NTM: variants seen among roughly 807,000 people sequenced by gnomAD.
NTM encodes neurotrimin.
NTM carries 13 observed loss-of-function variants against 42.1 expected under a neutral mutation model. The observed-to-expected ratio is 0.31, with a 90% confidence interval of 0.20 to 0.49. NTM has a LOEUF of 0.49. NTM is among the 20% of genes least tolerant of loss of function. The pLI is 0.99. For missense variants in NTM, 373 were observed against 452.8 expected, an observed-to-expected ratio of 0.82 and a Z score of 1.60; for synonymous variants, 187 against 179.2, an observed-to-expected ratio of 1.04 and a Z score of -0.35.
intron 1 of NTM, among the ~76,000 whole-genome samples, chr11:131,905,468 T>C (rs1245892871): frequency 6.6e-6 from 1 of 152,098 alleles, no homozygotes; most frequent in Non-Finnish European, 1.5e-5. Flanking sequence ...CCGTCTTGGG[T>C]CGTGTAGCGT....
rs368857349 is a variant in NTM, at chr11:131,722,021, A to AAAAAG, written c.83-189542_83-189541insAAAGA. Among the ~76,000 whole-genome samples, 45 of 112,822 alleles carry AAAAAG rather than the reference A, an allele frequency of 4.0e-4. 6 individuals are homozygous for AAAAAG. The highest frequency in any genetic ancestry group is 1.0e-3 in the African/African-American group (30 of 29,448). 74.0% of individuals were successfully genotyped at this position (112,822 alleles called of 152,430 possible). On this transcript the variant is annotated intron_variant, in intron 1 of 8. Transcript: ENST00000683400. ...CAAAAAAAAAAAAAAAAAAAAAAAAAAGAGAGAAAGAAAGAAAATAATGCT... is the reference window on the plus strand; with the variant it reads ...CAAAAAAAAAAAAAAAAAAAAAAAAAAAAAGAGAGAGAAAGAAAGAAAATAATGCT...
chr11:131,472,389 AG>A (rs1287526790), intron 1 of NTM, among the ~76,000 whole-genome samples: 11 of 152,240 alleles, frequency 7.2e-5, no homozygotes, highest in African/African-American at 2.7e-4. Context: ...TGGATAGAAA[AG>A]AAGACTGATC....
intron 1 of NTM, among the ~76,000 whole-genome samples, chr11:131,783,840 C>T (rs2088630642): frequency 6.6e-6 from 1 of 152,062 alleles, no homozygotes; most frequent in Non-Finnish European, 1.5e-5. Context: ...AAGAAAATGA[C>T]AAGATAAGAC....
At chr11:131,992,084 A>C (rs1009854488) in intron 2 of NTM, among the ~76,000 whole-genome samples, 3 of 152,154 alleles carry the variant, frequency 2.0e-5, no homozygotes, top group Non-Finnish European at 4.4e-5. Context: ...CCACTTATAC[A>C]CAGATTTTCT....
chr11:131,716,261 A>C (rs1172735648), intron 1 of NTM, among the ~76,000 whole-genome samples: 1 of 152,160 alleles, frequency 6.6e-6, no homozygotes, highest in Non-Finnish European at 1.5e-5. Context: ...ATTACCTCCC[A>C]AAAGACCCTA....
At chr11:131,642,251 C>G (rs765858266) in intron 1 of NTM, among the ~76,000 whole-genome samples, 9 of 152,130 alleles carry the variant, frequency 5.9e-5, no homozygotes, top group Non-Finnish European at 1.2e-4. Context: ...TTGTGAAGAC[C>G]ACCAGGAACC....
At chr11:131,912,023 A>C (rs1188675238) in intron 2 of NTM, among the ~76,000 whole-genome samples, 1 of 152,158 alleles carries the variant, frequency 6.6e-6, no homozygotes, top group Non-Finnish European at 1.5e-5. Context: ...GTCTTCTCTG[A>C]AGTTAATGAG....
chr11:132,264,465 CTTTAT>C (rs2093055645), intron 4 of NTM, among the ~76,000 whole-genome samples: 1 of 152,102 alleles, frequency 6.6e-6, no homozygotes, highest in Non-Finnish European at 1.5e-5. Context: ...TTGTCTTTTA[CTTTAT>C]TTTATAGTAT....
chr11:131,620,447 T>A (rs1180388103), intron 1 of NTM, among the ~76,000 whole-genome samples: 1 of 152,200 alleles, frequency 6.6e-6, no homozygotes, highest in Non-Finnish European at 1.5e-5. Flanking sequence ...TCTCATTCCA[T>A]GTAGAAAACA....
At chr11:131,833,898 A>G (rs1274666353) in intron 1 of NTM, among the ~76,000 whole-genome samples, 2 of 152,060 alleles carry the variant, frequency 1.3e-5, no homozygotes, top group Non-Finnish European at 2.9e-5. Context: ...AGAAATCTTC[A>G]TTTCGAAGTC....
At chr11:132,006,438 GC>G (rs1169024674) in intron 2 of NTM, among the ~76,000 whole-genome samples, 1 of 152,184 alleles carries the variant, frequency 6.6e-6, no homozygotes, top group Non-Finnish European at 1.5e-5. Flanking sequence ...AATGAGAAGA[GC>G]CAAGAGAATA....
Position 131,786,016 on chromosome 11 carries a change from GAGAC to G in NTM, c.83-125540_83-125537del, listed in dbSNP as rs1370346394. Among the ~76,000 whole-genome samples, 8 of 152,286 alleles carry G rather than the reference GAGAC, an allele frequency of 5.3e-5. No homozygotes were observed. In the East Asian group the frequency reaches 9.7e-4, roughly 18 times the overall value. On this transcript the variant is annotated intron_variant, in intron 1 of 8. Transcript: ENST00000683400. Reference sequence around the variant, plus strand: ...GGTGTCATTCTGCTGGAAAGTTGAGGAGACAGACAGAAGGCTATCTCACTTCAGA... The same window carrying G: ...GGTGTCATTCTGCTGGAAAGTTGAGGAGACAGAAGGCTATCTCACTTCAGA...
intron 1 of NTM, among the ~76,000 whole-genome samples, chr11:131,598,266 A>G (rs1004970632): frequency 1.3e-5 from 2 of 152,230 alleles, no homozygotes; most frequent in Non-Finnish European, 2.9e-5. Flanking sequence ...AGAATTTCAG[A>G]AACTTTTCCA....
intron 2 of NTM, among the ~76,000 whole-genome samples, chr11:131,973,262 G>A (rs1323098032): frequency 1.3e-5 from 2 of 152,216 alleles, no homozygotes; most frequent in Non-Finnish European, 2.9e-5. Flanking sequence ...AGGATACAGA[G>A]GGGGAAGTTG....
At chr11:132,072,519 G>A (rs1335465441) in intron 2 of NTM, among the ~76,000 whole-genome samples, 2 of 152,176 alleles carry the variant, frequency 1.3e-5, no homozygotes, top group Non-Finnish European at 2.9e-5. Flanking sequence ...TGATAGTTGT[G>A]AACCATGGGG....
At chr11:131,559,493 C>A (rs982793112) in intron 1 of NTM, among the ~76,000 whole-genome samples, 1 of 152,144 alleles carries the variant, frequency 6.6e-6, no homozygotes, top group Non-Finnish European at 1.5e-5. Flanking sequence ...CACACAGTCT[C>A]AAATTTGTTA....
At chr11:131,790,309 C>G (rs2090748985) in intron 1 of NTM, among the ~76,000 whole-genome samples, 1 of 152,058 alleles carries the variant, frequency 6.6e-6, no homozygotes, top group Non-Finnish European at 1.5e-5. Context: ...AAACACATGC[C>G]ATTTTGCACG....
At chr11:131,862,690 G>C (rs905036348) in intron 1 of NTM, among the ~76,000 whole-genome samples, 1 of 152,184 alleles carries the variant, frequency 6.6e-6, no homozygotes, top group African/African-American at 2.4e-5. Context: ...TTATAGCAAA[G>C]GCTGTGACTT....
chr11:132,241,524 T>A (rs2090186873), intron 4 of NTM, among the ~76,000 whole-genome samples: 3 of 152,194 alleles, frequency 2.0e-5, no homozygotes, highest in Admixed American at 2.0e-4. Flanking sequence ...TTTTCACTGT[T>A]GAGCAGGGAC....
Sources: allele counts gnomAD v4.1 joint callset (sites outside exome capture counted in the v4.1 genomes callset), GRCh38; gene constraint gnomAD v4.1.1; transcripts MANE v1.5; gene names NCBI Gene and HGNC (gene_info 2026-07-23, HGNC 2026-07-21).